The following KLHL15 variants were observed in gnomAD, a reference collection of about 807,000 sequenced individuals.
The protein encoded by KLHL15 is kelch like family member 15, also known as kelch-like protein 15.
Under a neutral mutation model 29.3 loss-of-function variants are expected in KLHL15, and 1 was observed. The observed-to-expected ratio is 0.03, with a 90% CI of 0.01 to 0.16. KLHL15 has a LOEUF of 0.16. KLHL15 is among the 10% of genes least tolerant of loss of function. The pLI, the probability that KLHL15 is intolerant of heterozygous loss-of-function variation, is 1.00. For missense variants in KLHL15, 215 were observed against 478.5 expected, an observed-to-expected ratio of 0.45 and a Z score of 5.14; for synonymous variants, 212 against 184.5, an observed-to-expected ratio of 1.15 and a Z score of -1.21.
intron 2 of KLHL15, among the ~76,000 whole-genome samples, chrX:24,017,837 C>T (rs925248302): frequency 9.3e-6 from 1 of 108,080 alleles, no homozygotes; most frequent in African/African-American, 3.4e-5. Context: ...CTGGTTACAG[C>T]GGCCTCATGC....
chrX:23,998,966 T>G (rs1169009218), intron 3 of KLHL15, among the ~76,000 whole-genome samples: 1 of 111,363 alleles, frequency 9.0e-6, no homozygotes, highest in Non-Finnish European at 1.9e-5. Context: ...AGTGCAGTGG[T>G]GCAGTCTCGG....
intron 2 of KLHL15, among the ~76,000 whole-genome samples, chrX:24,021,865 T>C (rs1370832068): frequency 3.6e-5 from 4 of 110,534 alleles, no homozygotes; most frequent in African/African-American, 1.3e-4. Flanking sequence ...AGCACTCCAA[T>C]TCAGAGAAAA....
At chrX:23,998,034 G>A (rs984672882) in intron 3 of KLHL15, among the ~76,000 whole-genome samples, 4 of 109,014 alleles carry the variant, frequency 3.7e-5, no homozygotes, top group Non-Finnish European at 5.7e-5. Context: ...CAATCTCAGC[G>A]CACTGCAACC....
chrX:23,995,585 C>T (rs139269503), intron 3 of KLHL15, among the ~76,000 whole-genome samples: 267 of 110,085 alleles, frequency 2.4e-3, no homozygotes, highest in African/African-American at 8.3e-3. Flanking sequence ...AAATTAAAGA[C>T]GGTATATACA....
chrX:24,025,046 C>G lies in KLHL15; in HGVS notation c.-197G>C. On this transcript the variant is annotated 5_prime_UTR_variant, in exon 2 of 4. Coordinates refer to ENST00000328046, the MANE Select transcript of KLHL15 (RefSeq NM_030624.3). ...CACGAGAGTGCTCGCCTGCAGCCCC[C>G]TCTGGATAAGTCCTGGGAAAGAAGA... The G allele has an allele frequency of 3.4e-6, 1 of 297,581 alleles. No homozygotes were observed. The allele number at this position is 297,581 out of a possible 1,213,427, so 24.5% of individuals were successfully genotyped here.
At chrX:24,022,711 A>G (rs1490597653) in intron 2 of KLHL15, among the ~76,000 whole-genome samples, 6 of 106,125 alleles carry the variant, frequency 5.7e-5, no homozygotes, top group Non-Finnish European at 1.2e-4. Context: ...GTATCTCTCA[A>G]CTGTTTCGCG....
chrX:23,990,597 GGAAA>G (rs1401202313), intron 3 of KLHL15, among the ~76,000 whole-genome samples: 6 of 111,584 alleles, frequency 5.4e-5, no homozygotes, highest in Non-Finnish European at 1.1e-4. Flanking sequence ...TTGAGGTGAT[GGAAA>G]GAGTGTTGAT....
chrX:24,020,567 G>T lies in KLHL15; in HGVS notation c.-8+4290C>A, dbSNP rs753650900. On this transcript the variant is annotated intron_variant, in intron 2 of 3. Transcript: ENST00000328046. Reference sequence around the variant, plus strand: ...ACTTTTCAGGTATGTTTAGCATTTCGTCATCCTATAATACAAGAAGCCTTA... The same window carrying T: ...ACTTTTCAGGTATGTTTAGCATTTCTTCATCCTATAATACAAGAAGCCTTA... Among the ~76,000 whole-genome samples the T allele has an allele frequency of 3.6e-5, 4 of 110,769 alleles. No individual in the cohort carries two copies. The East Asian group carries it at 8.4e-4, about 23-fold the overall frequency.
intron 2 of KLHL15, among the ~76,000 whole-genome samples, chrX:24,019,494 G>A (rs778416753): frequency 4.4e-4 from 49 of 110,938 alleles, no homozygotes; most frequent in Non-Finnish European, 6.8e-4. Flanking sequence ...GGCCTCAAGC[G>A]ATCCACCCGC....
chrX:24,020,644 T>C (rs1006069499), intron 2 of KLHL15, among the ~76,000 whole-genome samples: 6 of 111,696 alleles, frequency 5.4e-5, no homozygotes, highest in African/African-American at 1.9e-4. Flanking sequence ...AAGACTTTAA[T>C]TTAATGCTTC....
chrX:23,987,889 G>T lies in KLHL15; in HGVS notation c.*32C>A. The T allele has an allele frequency of 1.7e-6, 2 of 1,151,835 alleles. No homozygotes were observed. The highest frequency in any genetic ancestry group is 2.3e-6 in the Non-Finnish European group (2 of 860,910). 94.9% of individuals were successfully genotyped at this position (1,151,835 alleles called of 1,213,427 possible). A position where few individuals can be genotyped will look rare whatever the true frequency, so the allele number is the denominator to read the frequency against. ...ATTACTCTGTGCAAACAAATACTTT[G>T]TTTGCCTCTTTTTTTAGGGAGGAGG... On this transcript the variant is annotated 3_prime_UTR_variant, in exon 4 of 4. Coordinates refer to ENST00000328046, the MANE Select transcript of KLHL15 (RefSeq NM_030624.3).
intron 1 of KLHL15, among the ~76,000 whole-genome samples, chrX:24,025,643 G>A (rs1156759660): frequency 1.3e-4 from 14 of 106,226 alleles, no homozygotes; most frequent in Non-Finnish European, 2.8e-4. Flanking sequence ...CCCCCTGGTC[G>A]AGCGCCAATG....
chrX:23,998,974 C>T (rs929078759), intron 3 of KLHL15, among the ~76,000 whole-genome samples: 1 of 111,166 alleles, frequency 9.0e-6, no homozygotes, highest in Non-Finnish European at 1.9e-5. Flanking sequence ...GGTGCAGTCT[C>T]GGCTCACTGC....
chrX:24,006,610 T>G lies in KLHL15; in HGVS notation c.84A>C (p.Gly28=). ...TAACCAGAGTGACATCAAGAAGCAA[T>G]CCCTCCTCATACAGTGCTCTGAACC... The part of the protein sequence containing the change: ...SAGFRALYEE[G]LLLDVTLVIE... Residue 28 remains glycine (G), a synonymous_variant, in exon 3 of 4, where the codon GGA becomes GGC. Coordinates refer to ENST00000328046, the MANE Select transcript of KLHL15 (RefSeq NM_030624.3). 1 of 1,210,610 alleles carries G rather than the reference T, an allele frequency of 8.3e-7. No homozygotes were observed. Among genetic ancestry groups the G allele is most frequent in the African/African-American group, 1.7e-5 (1 of 57,469 alleles).
chrX:24,022,809 T>C (rs1267002886), intron 2 of KLHL15, among the ~76,000 whole-genome samples: 4 of 106,432 alleles, frequency 3.8e-5, no homozygotes, highest in African/African-American at 1.4e-4. Context: ...AACTTCTGCC[T>C]ACCGGGTTCA....
intron 3 of KLHL15, among the ~76,000 whole-genome samples, chrX:24,001,569 C>T (rs1313470749): frequency 2.8e-5 from 3 of 108,914 alleles, no homozygotes; most frequent in Non-Finnish European, 3.8e-5. Context: ...TTTGGGGGGC[C>T]GAGGTGGGCA....
At chrX:24,016,368 A>AAAAAAAG (rs1555978285) in intron 2 of KLHL15, among the ~76,000 whole-genome samples, 2 of 76,502 alleles carry the variant, frequency 2.6e-5, no homozygotes, top group African/African-American at 1.4e-4. Context: ...AAAAAAAAAA[A>AAAAAAAG]GGGGGGGTAT....
intron 2 of KLHL15, among the ~76,000 whole-genome samples, chrX:24,022,494 C>T (rs1268646874): frequency 3.7e-5 from 4 of 108,680 alleles, no homozygotes; most frequent in Admixed American, 9.8e-5. Flanking sequence ...ATTAGCCGGG[C>T]GTGGTGGCGA....
At chrX:24,021,556 A>C (rs1929804172) in intron 2 of KLHL15, among the ~76,000 whole-genome samples, 1 of 112,455 alleles carries the variant, frequency 8.9e-6, no homozygotes, top group African/African-American at 3.2e-5. Context: ...TTGCATCTCC[A>C]GCACCTAAAA....
Sources: gnomAD v4.1 joint callset for allele counts (sites outside exome capture counted in the v4.1 genomes callset) on GRCh38, gnomAD v4.1.1 for gene constraint, MANE v1.5 for transcripts, NCBI Gene and HGNC (gene_info 2026-07-23, HGNC 2026-07-21) for gene names.